The following TRARG1 variants were observed in gnomAD, a reference collection of about 807,000 sequenced individuals.
The protein encoded by TRARG1 is trafficking regulator of GLUT4 1.
Under a neutral mutation model 13.3 loss-of-function variants are expected in TRARG1, and 16 were observed. The observed-to-expected ratio is 1.20, with a 90% CI of 0.81 to 1.83. The LOEUF (loss-of-function observed/expected upper bound fraction) is 1.83, where lower values mean the gene tolerates loss of function less well. Ranked by LOEUF, TRARG1 falls within the 40% of genes most tolerant of loss-of-function variation. The probability of loss-of-function intolerance (pLI) is 0.00; values close to 1 mark genes in which losing one functional copy is unlikely to be tolerated. For missense variants in TRARG1, 250 were observed against 237.4 expected, an observed-to-expected ratio of 1.05 and a Z score of -0.35; for synonymous variants, 113 against 106.2, an observed-to-expected ratio of 1.06 and a Z score of -0.39.
In TRARG1 at chr17:1,300,649, G is replaced by C. The variant is rs2072148866; in HGVS notation, c.*2385G>C. ...TCAGAGGCCCCCGAGGTGTGTGTAG[G>C]AGGCGGAGGCCCGCAGAGCACAGAG... On this transcript the variant is annotated 3_prime_UTR_variant, in exon 3 of 3. Transcript: ENST00000333813. The C allele has an allele frequency of 1.3e-5, 2 of 152,672 alleles. No individual in the cohort carries two copies. Among genetic ancestry groups the C allele is most frequent in the Admixed American group, 1.3e-4 (2 of 15,292 alleles). 9.5% of individuals were successfully genotyped at this position (152,672 alleles called of 1,614,324 possible).
At chr17:1,294,793 CTCCTGCGT>C (rs1211593941) in intron 1 of TRARG1, among the ~76,000 whole-genome samples, 39 of 151,622 alleles carry the variant, frequency 2.6e-4, no homozygotes, top group Admixed American at 8.6e-4. Flanking sequence ...TCAAGCGATT[CTCCTGCGT>C]CAGCCTCCTG....
At chr17:1,281,216 A>T (rs530385121) in intron 1 of TRARG1, among the ~76,000 whole-genome samples, 1 of 152,310 alleles carries the variant, frequency 6.6e-6, no homozygotes, top group Non-Finnish European at 1.5e-5. Flanking sequence ...ATGTCAGCAG[A>T]TATTGGCAAG....
intron 1 of TRARG1, among the ~76,000 whole-genome samples, chr17:1,280,901 G>A (rs1050576359): frequency 3.3e-5 from 5 of 152,194 alleles, no homozygotes; most frequent in Admixed American, 2.0e-4. Flanking sequence ...TGAGGGCTCC[G>A]GGGCCAGGCT....
chr17:1,298,371 C>A lies in TRARG1; in HGVS notation c.*107C>A. ...TGCTGACTGTCAAGCATCCCCTGTC[C>A]CCAAGTTCCAAAAGCACAGACTCAA... is the stretch of plus-strand genomic sequence containing the variant. On this transcript the variant is annotated 3_prime_UTR_variant, in exon 3 of 3. Transcript: ENST00000333813. 7.8e-7 allele frequency: 1 copy of A among 1,281,428 alleles called. No individual in the cohort carries two copies. The highest frequency in any genetic ancestry group is 1.1e-6 in the Non-Finnish European group (1 of 915,524). The allele number at this position is 1,281,428 out of a possible 1,614,324, so 79.4% of individuals were successfully genotyped here. A position where few individuals can be genotyped will look rare whatever the true frequency, so the allele number is the denominator to read the frequency against.
chr17:1,289,681 G>C (rs1351184604), intron 1 of TRARG1, among the ~76,000 whole-genome samples: 1 of 150,934 alleles, frequency 6.6e-6, no homozygotes, highest in South Asian at 2.1e-4. Flanking sequence ...TTATGAGTCA[G>C]TGTTCCCCAC....
rs910910223 is a variant in TRARG1, at chr17:1,300,175, C to G, written c.*1911C>G. ...GTGAGCACGGAGTATTTCTGTCCCT[C>G]GTGAAGTCACGTCACACAGGGGAGA... On this transcript the variant is annotated 3_prime_UTR_variant, in exon 3 of 3. Transcript: ENST00000333813. 1 of 152,228 alleles carries G rather than the reference C, an allele frequency of 6.6e-6. No homozygotes were observed. Among genetic ancestry groups the G allele is most frequent in the South Asian group, 2.1e-4 (1 of 4,830 alleles). The allele number at this position is 152,228 out of a possible 1,614,324, so 9.4% of individuals were successfully genotyped here.
rs1299794291 is a variant in TRARG1 at position 1,284,163 on chromosome 17, G to A, written c.387+3775G>A. 2.6e-5 allele frequency among the ~76,000 whole-genome samples: 4 copies of A among 151,716 alleles called. No homozygotes were observed. In the East Asian group the frequency reaches 7.8e-4, roughly 29 times the overall value. Reference sequence around the variant, plus strand: ...GAAAGAAAAGAAAGAAAGAAACCCTGTCCCCTTCAGCTGTCACTCTCCATC... The same window carrying A: ...GAAAGAAAAGAAAGAAAGAAACCCTATCCCCTTCAGCTGTCACTCTCCATC... On this transcript the variant is annotated intron_variant, in intron 1 of 2. Coordinates refer to ENST00000333813, the MANE Select transcript of TRARG1 (RefSeq NM_172367.3).
At chr17:1,290,629 C>T (rs1374231628) in intron 1 of TRARG1, among the ~76,000 whole-genome samples, 1 of 152,160 alleles carries the variant, frequency 6.6e-6, no homozygotes, top group Admixed American at 6.5e-5. Context: ...TTTCCCCCTC[C>T]CCAGTTGCTT....
At chr17:1,296,314 A>G (rs961727738) in intron 2 of TRARG1, among the ~76,000 whole-genome samples, 1 of 151,968 alleles carries the variant, frequency 6.6e-6, no homozygotes, top group African/African-American at 2.4e-5. Context: ...CTCCTGCCTC[A>G]GCCTCCTGAG....
chr17:1,282,244 A>ATATG (rs1567928250), intron 1 of TRARG1, among the ~76,000 whole-genome samples: 8 of 117,754 alleles, frequency 6.8e-5, no homozygotes, highest in African/African-American at 2.6e-4. Context: ...ACGTATATGC[A>ATATG]CGTATATGTA....
At chr17:1,296,386 G>A (rs868781133) in intron 2 of TRARG1, among the ~76,000 whole-genome samples, 35 of 151,722 alleles carry the variant, frequency 2.3e-4, no homozygotes, top group African/African-American at 7.5e-4. Context: ...TAGTAGAGAC[G>A]GTTTCATCAT....
At chr17:1,292,185 AAAACAAAAC>A (rs1224057038) in intron 1 of TRARG1, among the ~76,000 whole-genome samples, 2 of 144,320 alleles carry the variant, frequency 1.4e-5, no homozygotes, top group African/African-American at 2.6e-5. Context: ...AAAACAAAAC[AAAACAAAAC>A]AAACAAACAA....
intron 1 of TRARG1, among the ~76,000 whole-genome samples, chr17:1,287,350 GTTTT>G (rs2072031731): frequency 6.6e-6 from 1 of 151,506 alleles, no homozygotes; most frequent in Non-Finnish European, 1.5e-5. Flanking sequence ...TGTTATTGTT[GTTTT>G]TGTTTTTTTT....
rs1489145361 is a variant in TRARG1 at position 1,298,579 on chromosome 17, C to G, written c.*315C>G. The G allele has an allele frequency of 2.7e-6, 1 of 364,158 alleles. No homozygotes were observed. Among genetic ancestry groups the G allele is most frequent in the African/African-American group, 2.1e-5 (1 of 48,358 alleles). 22.6% of individuals were successfully genotyped at this position (364,158 alleles called of 1,614,324 possible). A position where few individuals can be genotyped will look rare whatever the true frequency, so the allele number is the denominator to read the frequency against. On this transcript the variant is annotated 3_prime_UTR_variant, in exon 3 of 3. Transcript: ENST00000333813. ...CAATTTCCTGGGTTCCACCAAGCAG[C>G]GAAAACTGCCAGGATGAATGAGGAA...
chr17:1,297,618 T>C lies in TRARG1; in HGVS notation c.521-633T>C, dbSNP rs915350177. Among the ~76,000 whole-genome samples the C allele has an allele frequency of 1.3e-3, 156 of 118,080 alleles. 2 individuals are homozygous for C. The highest frequency in any genetic ancestry group is 6.1e-3 in the East Asian group (23 of 3,786). The allele number at this position is 118,080 out of a possible 152,430, so 77.5% of individuals were successfully genotyped here. On this transcript the variant is annotated intron_variant, in intron 2 of 2. Coordinates refer to ENST00000333813, the MANE Select transcript of TRARG1 (RefSeq NM_172367.3). Reference sequence around the variant, plus strand: ...TTTTTTTTTTTTTTTTTTTTTTTTTTCCCCAGACAGAGTCTTGCTCTGTCG... The same window carrying C: ...TTTTTTTTTTTTTTTTTTTTTTTTTCCCCCAGACAGAGTCTTGCTCTGTCG...
At chr17:1,289,486 G>C (rs1344774551) in intron 1 of TRARG1, among the ~76,000 whole-genome samples, 2 of 144,336 alleles carry the variant, frequency 1.4e-5, no homozygotes, top group East Asian at 2.1e-4. Flanking sequence ...CCAAGGGTAA[G>C]CATGACCAGC....
intron 1 of TRARG1, among the ~76,000 whole-genome samples, chr17:1,282,047 TAC>T (rs2071978769): frequency 7.2e-6 from 1 of 138,350 alleles, no homozygotes; most frequent in African/African-American, 2.8e-5. Flanking sequence ...CACACATATG[TAC>T]ACATATGTAC....
At chr17:1,284,063 T>C (rs1354172695) in intron 1 of TRARG1, among the ~76,000 whole-genome samples, 7 of 150,654 alleles carry the variant, frequency 4.6e-5, no homozygotes, top group Admixed American at 4.0e-4. Flanking sequence ...TACAGTGAGC[T>C]GAGATGGTGC....
At chr17:1,295,123 C>T (rs997756162) in intron 1 of TRARG1, among the ~76,000 whole-genome samples, 7 of 152,162 alleles carry the variant, frequency 4.6e-5, no homozygotes, top group Non-Finnish European at 1.0e-4. Flanking sequence ...CGCTGGGGTC[C>T]GGGGGCACCT....
Sources: gnomAD v4.1 joint callset for allele counts (sites outside exome capture counted in the v4.1 genomes callset) on GRCh38, gnomAD v4.1.1 for gene constraint, MANE v1.5 for transcripts, NCBI Gene and HGNC (gene_info 2026-07-23, HGNC 2026-07-21) for gene names.